Variants in UNC45B observed in about 807,000 individuals in gnomAD.
The protein encoded by UNC45B is unc-45 myosin chaperone B.
UNC45B carries 78 observed loss-of-function variants against 98.7 expected under a neutral mutation model. The observed-to-expected ratio is 0.79, with a 90% CI of 0.66 to 0.95. The LOEUF is 0.95. Among genes scored for constraint, UNC45B ranks in the 40% least tolerant of loss-of-function variants. The pLI, the probability that UNC45B is intolerant of heterozygous loss-of-function variation, is 0.00. For missense variants in UNC45B, 1,225 were observed against 1,184.9 expected, an observed-to-expected ratio of 1.03 and a Z score of -0.50; for synonymous variants, 462 against 480.4, an observed-to-expected ratio of 0.96 and a Z score of 0.50.
chr17:35,179,256 G>C (rs1282686515), intron 17 of UNC45B, among the ~76,000 whole-genome samples: 1 of 152,174 alleles, frequency 6.6e-6, no homozygotes, highest in Non-Finnish European at 1.5e-5. Flanking sequence ...AGTTCTCCTT[G>C]AAGAGGTCCT....
intron 5 of UNC45B, among the ~76,000 whole-genome samples, chr17:35,153,384 A>G (rs1017365358): frequency 2.6e-5 from 4 of 152,256 alleles, no homozygotes; most frequent in Non-Finnish European, 5.9e-5. Context: ...TAACGGGCCC[A>G]TTAAAATAAC....
At chr17:35,181,019 G>A (rs1178060251) in intron 18 of UNC45B, among the ~76,000 whole-genome samples, 1 of 152,044 alleles carries the variant, frequency 6.6e-6, no homozygotes, top group Non-Finnish European at 1.5e-5. Context: ...GTCAAGGAAG[G>A]CTAGACCACT....
At chr17:35,164,260 A>T in intron 9 of UNC45B, 94 bp downstream of exon 9, 2 of 1,421,054 alleles carry the variant, frequency 1.4e-6, no homozygotes, top group Non-Finnish European at 1.9e-6. Flanking sequence ...CTCAAACAAT[A>T]GTGTTTTATT....
Position 35,147,925 on chromosome 17 carries a change from G to T in UNC45B, c.-1+15G>T, listed in dbSNP as rs1597900705. The T allele has an allele frequency of 3.6e-6, 1 of 274,562 alleles. No individual in the cohort carries two copies. Among genetic ancestry groups the T allele is most frequent in the East Asian group, 8.5e-5 (1 of 11,754 alleles). The allele number at this position is 274,562 out of a possible 1,614,324, so 17.0% of individuals were successfully genotyped here. ...TTGCTGAAAAAGTGAGCATGGGCCT[G>T]GGGTGTGCCCTGGACTGGGGAGGGA... On this transcript the variant is annotated intron_variant, in intron 1 of 19. Coordinates refer to ENST00000394570, the MANE Select transcript of UNC45B (RefSeq NM_001267052.2).
At chr17:35,162,554 G>A (rs539818823) in intron 8 of UNC45B, among the ~76,000 whole-genome samples, 1 of 152,018 alleles carries the variant, frequency 6.6e-6, no homozygotes, top group South Asian at 2.1e-4. Flanking sequence ...TAACCAAAGT[G>A]CTGGAATTAC....
rs775569849 is a variant in UNC45B at position 35,177,124 on chromosome 17, G to C, written c.2133G>C (p.Gly711=). The change falls in exon 16 of 20, where the codon GGG becomes GGC. Residue 711 remains glycine (G), a synonymous_variant. Coordinates refer to ENST00000394570, the MANE Select transcript of UNC45B (RefSeq NM_001267052.2). The part of the protein sequence containing the change: ...AVSNPDIAFP[G]ERVYEVVRPL... ...CCAATCCGGACATTGCTTTTCCTGG[G>C]GAGCGGGTAGGTGCTTGGGTAGATG... is the stretch of plus-strand genomic sequence containing the variant. The C allele has an allele frequency of 1.2e-6, 2 of 1,613,960 alleles. No individual in the cohort carries two copies. The highest frequency in any genetic ancestry group is 2.7e-5 in the African/African-American group (2 of 74,900).
chr17:35,186,349 G>T lies in UNC45B; in HGVS notation c.2580G>T (p.Leu860=). Residue 860 remains leucine (L), a synonymous_variant, in exon 20 of 20, where the codon CTG becomes CTT. Transcript: ENST00000394570. ...AGCGGCTTTGCCTGCACGACCAGCT[G>T]TCTGTCCAACACCGGGGCCTGGTCA... ...ILQRLCLHDQ[L]SVQHRGLVIA... The T allele has an allele frequency of 6.2e-7, 1 of 1,614,166 alleles. No homozygotes were observed. The highest frequency in any genetic ancestry group is 8.5e-7 in the Non-Finnish European group (1 of 1,180,024).
intron 13 of UNC45B, among the ~76,000 whole-genome samples, chr17:35,173,814 AT>A (rs34777618): frequency 0.011 from 1,452 of 136,522 alleles, 19 homozygotes; most frequent in East Asian, 0.041. Context: ...TAGGCCATGG[AT>A]TTTTTTTTTT....
At chr17:35,148,539 C>G in intron 2 of UNC45B, 108 bp downstream of exon 2, 1 of 1,302,454 alleles carries the variant, frequency 7.7e-7, no homozygotes, top group Non-Finnish European at 1.0e-6. Context: ...AGCCGACTCT[C>G]CTGGATGCCT....
intron 9 of UNC45B, chr17:35,164,729 A>G (rs925288830): frequency 3.3e-5 from 5 of 152,062 alleles, no homozygotes; most frequent in Middle Eastern, 3.4e-3. Context: ...ATTTTATTTT[A>G]TTTATTTTTT....
In UNC45B at chr17:35,188,329, G is replaced by C. The variant is rs1259382964; in HGVS notation, c.*1770G>C. On this transcript the variant is annotated 3_prime_UTR_variant, in exon 20 of 20. Coordinates refer to ENST00000394570, the MANE Select transcript of UNC45B (RefSeq NM_001267052.2). ...GCTTTCCTCATATGTGGGCTTGAGT[G>C]GGTGTATTTAGCTCCTTTAAAGGAA... The C allele has an allele frequency of 6.6e-6, 1 of 152,160 alleles. No homozygotes were observed. The highest frequency in any genetic ancestry group is 1.9e-4 in the East Asian group (1 of 5,198). 9.4% of individuals were successfully genotyped at this position (152,160 alleles called of 1,614,324 possible).
At chr17:35,156,812 T>C (rs773059238) in intron 7 of UNC45B, among the ~76,000 whole-genome samples, 10 of 152,188 alleles carry the variant, frequency 6.6e-5, no homozygotes, top group Non-Finnish European at 1.2e-4. Flanking sequence ...TCTTTTTTTT[T>C]AAACCATCAA....
chr17:35,149,705 G>T (rs1477041182), intron 3 of UNC45B, among the ~76,000 whole-genome samples: 3 of 152,202 alleles, frequency 2.0e-5, no homozygotes, highest in Admixed American at 2.0e-4. Context: ...ATCAGCCACT[G>T]CGCCAGGCCC....
intron 5 of UNC45B, 29 bp from the exon 6 acceptor site, chr17:35,154,545 G>T (rs372692047): frequency 1.9e-6 from 3 of 1,605,190 alleles, no homozygotes; most frequent in South Asian, 1.1e-5. Context: ...TACCTCCCTC[G>T]TAACCCTTAT....
Position 35,164,028 on chromosome 17 carries a change from T to C in UNC45B, c.1013T>C (p.Val338Ala). 1 of 1,613,868 alleles carries C rather than the reference T, an allele frequency of 6.2e-7. No homozygotes were observed. Among genetic ancestry groups the C allele is most frequent in the Non-Finnish European group, 8.5e-7 (1 of 1,179,904 alleles). The change falls in exon 9 of 20, where the codon GTT becomes GCT. Residue 338 changes from valine to alanine, a missense_variant. Coordinates refer to ENST00000394570, the MANE Select transcript of UNC45B (RefSeq NM_001267052.2). ...LRKILKVVGQ[V>A]PDLPSCLPLT... ...AAGATCCTGAAGGTTGTGGGGCAGG[T>C]TCCAGATCTGCCATCCTGCCTGCCC...
Position 35,159,413 on chromosome 17 carries a change from C to A in UNC45B, c.847C>A (p.Leu283Met), listed in dbSNP as rs571183254. 17 of 1,614,002 alleles carry A rather than the reference C, an allele frequency of 1.1e-5. No homozygotes were observed. In the South Asian group the frequency reaches 1.6e-4, roughly 16 times the overall value. ...KDLKQITSHL[L>M]DMLVSKKVSG... The stretch of plus-strand genomic sequence containing the variant: ...CCTGAAGCAGATCACCAGCCACCTG[C>A]TGGACATGCTAGTCAGCAAGAAGGT... Residue 283 changes from leucine (L) to methionine (M), a missense_variant, in exon 8 of 20, where the codon CTG (leucine) becomes ATG (methionine). By Grantham distance (15) the Leu-to-Met change is conservative. Transcript: ENST00000394570.
At chr17:35,159,620 G>A in intron 8 of UNC45B, 75 bp downstream of exon 8, 1 of 1,515,662 alleles carries the variant, frequency 6.6e-7, no homozygotes, top group African/African-American at 1.4e-5. Flanking sequence ...GAAAATGGAA[G>A]ATGTGAGGCT....
Position 35,170,029 on chromosome 17 carries a change from C to T in UNC45B, c.1548-85C>T, listed in dbSNP as rs918526931. 5.6e-6 allele frequency: 9 copies of T among 1,604,668 alleles called. 1 individual carries two copies. The South Asian group carries it at 7.8e-5, about 14-fold the overall frequency. On this transcript the variant is annotated intron_variant, in intron 11 of 19. Transcript: ENST00000394570. ...CTAGTGGAGTGTGAAAGGGACCTCA[C>T]CCCTGGTTCACCACCCTGAAATCGC... is the stretch of plus-strand genomic sequence containing the variant.
intron 19 of UNC45B, 113 bp downstream of exon 19, chr17:35,183,695 C>A: frequency 8.4e-7 from 1 of 1,185,368 alleles, no homozygotes; most frequent in Non-Finnish European, 1.1e-6. Context: ...AAACCCCTCG[C>A]AGCCCCCAGG....
Sources: allele counts gnomAD v4.1 joint callset (sites outside exome capture counted in the v4.1 genomes callset), GRCh38; gene constraint gnomAD v4.1.1; transcripts MANE v1.5; gene names NCBI Gene and HGNC (gene_info 2026-07-23, HGNC 2026-07-21).